The following FHAD1 variants were observed in gnomAD, a reference collection of about 807,000 sequenced individuals.
FHAD1 encodes forkhead associated phosphopeptide binding domain 1, also known as forkhead-associated domain-containing protein 1.
In FHAD1, 146 loss-of-function variants were observed where a neutral mutation model predicts 191.3. The observed-to-expected ratio is 0.76, with a 90% CI of 0.67 to 0.88. The LOEUF (loss-of-function observed/expected upper bound fraction) is 0.88, where lower values mean the gene tolerates loss of function less well. Among genes scored for constraint, FHAD1 ranks in the 40% least tolerant of loss-of-function variants. The pLI is 0.00. For synonymous variants in FHAD1, 616 were observed against 672.3 expected (o/e 0.92, Z 1.29); for missense variants, 1,635 against 1,785.8 (o/e 0.92, Z 1.52).
chr1:15,237,508 T>G (rs1644908929), intron 1 of FHAD1, among the ~76,000 whole-genome samples: 1 of 152,090 alleles, frequency 6.6e-6, no homozygotes, highest in Non-Finnish European at 1.5e-5. Flanking sequence ...CCACCCCACG[T>G]GGAAGCACGT....
At chr1:15,320,331 G>C (rs1226506621) in intron 10 of FHAD1, among the ~76,000 whole-genome samples, 2 of 152,164 alleles carry the variant, frequency 1.3e-5, no homozygotes, top group African/African-American at 4.8e-5. Flanking sequence ...GCAGTCATTG[G>C]GTTTAGTATT....
chr1:15,379,972 C>T (rs917662410), intron 28 of FHAD1, among the ~76,000 whole-genome samples: 1 of 152,194 alleles, frequency 6.6e-6, no homozygotes, highest in African/African-American at 2.4e-5. Flanking sequence ...TTGCTTTTCC[C>T]CACACTGAAG....
At chr1:15,389,014 A>C (rs1206253993) in intron 32 of FHAD1, among the ~76,000 whole-genome samples, 1 of 152,156 alleles carries the variant, frequency 6.6e-6, no homozygotes, top group Non-Finnish European at 1.5e-5. Context: ...GAGCAGACTT[A>C]ATCCAGGGAT....
intron 33 of FHAD1, among the ~76,000 whole-genome samples, chr1:15,393,947 T>G (rs980659836): frequency 8.6e-5 from 13 of 151,970 alleles, no homozygotes; most frequent in African/African-American, 3.1e-4. Context: ...GACCTGAGGT[T>G]GTGTGGGAGT....
intron 1 of FHAD1, among the ~76,000 whole-genome samples, chr1:15,237,889 C>A (rs1466634188): frequency 6.6e-6 from 1 of 152,112 alleles, no homozygotes; most frequent in Non-Finnish European, 1.5e-5. Context: ...GGGGATTGAT[C>A]AGCTCAGAAA....
At chr1:15,254,957 G>A (rs544893243) in intron 2 of FHAD1, among the ~76,000 whole-genome samples, 2 of 152,264 alleles carry the variant, frequency 1.3e-5, no homozygotes, top group South Asian at 4.1e-4. Context: ...ACAAGATAAG[G>A]TGAAAATTGC....
intron 27 of FHAD1, 140 bp downstream of exon 27, chr1:15,374,771 G>A: frequency 1.8e-6 from 2 of 1,092,728 alleles, no homozygotes; most frequent in South Asian, 3.4e-5. Flanking sequence ...AAAAAGATGG[G>A]CAGACCATGA....
intron 14 of FHAD1, among the ~76,000 whole-genome samples, chr1:15,338,478 T>C (rs117654523): frequency 1.2e-4 from 19 of 152,300 alleles, no homozygotes; most frequent in South Asian, 2.1e-4. Context: ...TGTGATGACA[T>C]TGGGTCCACC....
At chr1:15,291,233 C>A (rs1273271420) in intron 4 of FHAD1, among the ~76,000 whole-genome samples, 1 of 151,792 alleles carries the variant, frequency 6.6e-6, no homozygotes, top group Non-Finnish European at 1.5e-5. Context: ...AGGCACACAC[C>A]ACCATGTTCA....
Position 15,312,682 on chromosome 1 carries a change from T to C in FHAD1, c.1040-375T>C, listed in dbSNP as rs1285949584. 6.6e-6 allele frequency among the ~76,000 whole-genome samples: 1 copy of C among 152,126 alleles called. No individual in the cohort carries two copies. On this transcript the variant is annotated intron_variant, in intron 7 of 33. Coordinates refer to ENST00000688493, the MANE Select transcript of FHAD1 (RefSeq NM_001391957.1). This position sits in a 1 kb window ranked among gnomAD's most constrained non-coding sequence, Gnocchi z 4.7. ...GTCTCAAGAAAAAAGACGACTGAGC[T>C]AGTAAGTGCTAGAGACGGTTTCCAA...
chr1:15,251,918 C>G, intron 2 of FHAD1, 41 bp downstream of exon 2: 16 of 1,480,706 alleles, frequency 1.1e-5, no homozygotes, highest in Non-Finnish European at 1.5e-5. Context: ...CTCCCTGACC[C>G]CTTCCTTCTC....
chr1:15,243,935 A>G (rs1454429084), upstream of FHAD1, among the ~76,000 whole-genome samples: 1 of 152,078 alleles, frequency 6.6e-6, no homozygotes, highest in Non-Finnish European at 1.5e-5. Flanking sequence ...CTTTAGGCAG[A>G]TTTCTCCCTG....
At chr1:15,399,739 C>T (rs963168199), downstream of FHAD1, among the ~76,000 whole-genome samples, 16 of 152,112 alleles carry the variant, frequency 1.1e-4, no homozygotes, top group African/African-American at 3.9e-4. Flanking sequence ...CAGACATTTC[C>T]CCACTTGTGT....
At chr1:15,257,584 G>A (rs1315833586) in intron 2 of FHAD1, among the ~76,000 whole-genome samples, 1 of 152,168 alleles carries the variant, frequency 6.6e-6, no homozygotes, top group East Asian at 1.9e-4. Context: ...GGCGTCCTGC[G>A]CTCTGTGATG....
At chr1:15,307,709 T>A (rs1318800167) in intron 6 of FHAD1, among the ~76,000 whole-genome samples, 1 of 152,062 alleles carries the variant, frequency 6.6e-6, no homozygotes, top group Non-Finnish European at 1.5e-5. Flanking sequence ...CCAGTGAAAC[T>A]GTAATTCCAA....
chr1:15,395,939 G>GTCAGTAACAGCCTT (rs1311372201), intron 33 of FHAD1, among the ~76,000 whole-genome samples: 1 of 152,144 alleles, frequency 6.6e-6, no homozygotes, highest in Non-Finnish European at 1.5e-5. Context: ...ACACATTCAA[G>GTCAGTAACAGCCTT]TCAGTAACAG....
chr1:15,262,140 C>T (rs1651375873), intron 2 of FHAD1, among the ~76,000 whole-genome samples: 1 of 152,158 alleles, frequency 6.6e-6, no homozygotes, highest in Admixed American at 6.5e-5. Context: ...ATTTTTGCAG[C>T]ATAGGAAGCA....
rs555945418 is a variant in FHAD1, at chr1:15,382,648, G to A, written c.4188+455G>A. On this transcript the variant is annotated intron_variant, in intron 31 of 33. Transcript: ENST00000688493. ...GACTGAGGAGTATACAGGTGGATGG[G>A]CAGATGGATGTCCTTGAAGAACATA... is the stretch of plus-strand genomic sequence containing the variant. Among the ~76,000 whole-genome samples, 4 of 152,306 alleles carry A rather than the reference G, an allele frequency of 2.6e-5. No individual in the cohort carries two copies. The South Asian group carries it at 6.2e-4, about 24-fold the overall frequency.
At chr1:15,334,748 G>A (rs537830451) in intron 14 of FHAD1, 1 of 152,264 alleles carries the variant, frequency 6.6e-6, no homozygotes, top group Non-Finnish European at 1.5e-5. Flanking sequence ...AGGCAGGTAG[G>A]CATGTGGACC....
Sources: allele counts gnomAD v4.1 joint callset (sites outside exome capture counted in the v4.1 genomes callset), GRCh38; gene constraint gnomAD v4.1.1; non-coding constraint Gnocchi (gnomAD v3.1); transcripts MANE v1.5; gene names NCBI Gene and HGNC (gene_info 2026-07-23, HGNC 2026-07-21).